Variants in EPHX1 observed in about 807,000 individuals in gnomAD.
The protein encoded by EPHX1 is epoxide hydratase.
EPHX1 carries 40 observed loss-of-function variants against 43.2 expected under a neutral mutation model. The ratio of observed to expected loss-of-function variants is 0.93; its 90% CI spans 0.72 to 1.21. The LOEUF (loss-of-function observed/expected upper bound fraction) is 1.21. EPHX1 is among the 50% of genes most tolerant of loss of function. The pLI, the probability that EPHX1 is intolerant of heterozygous loss-of-function variation, is 0.00. For synonymous variants in EPHX1, 221 were observed against 226.7 expected, an observed-to-expected ratio of 0.98 and a Z score of 0.22; for missense variants, 550 against 570.4, an observed-to-expected ratio of 0.96 and a Z score of 0.36.
chr1:225,836,256 T>C (rs944377942), intron 3 of EPHX1, among the ~76,000 whole-genome samples: 6 of 152,188 alleles, frequency 3.9e-5, no homozygotes, highest in African/African-American at 1.4e-4. Context: ...ATCTGGCTCA[T>C]ATTTTGTTGT....
chr1:225,827,665 T>A (rs1667315619), intron 1 of EPHX1, among the ~76,000 whole-genome samples: 1 of 152,182 alleles, frequency 6.6e-6, no homozygotes, highest in Non-Finnish European at 1.5e-5. Context: ...GAGCGACAGC[T>A]GAAGGGTATG....
At chr1:225,833,760 A>G (rs1370000693) in intron 3 of EPHX1, among the ~76,000 whole-genome samples, 1 of 142,434 alleles carries the variant, frequency 7.0e-6, no homozygotes, top group Non-Finnish European at 1.5e-5. Flanking sequence ...ACACCACTGC[A>G]CTCCAGCCTG....
intron 1 of EPHX1, among the ~76,000 whole-genome samples, chr1:225,813,642 G>A (rs1306214540): frequency 1.3e-5 from 2 of 152,252 alleles, no homozygotes; most frequent in Non-Finnish European, 2.9e-5. Context: ...CCCAGGGGAA[G>A]TCATAGTTCA....
At chr1:225,826,090 G>A (rs1667219687) in intron 1 of EPHX1, among the ~76,000 whole-genome samples, 1 of 152,158 alleles carries the variant, frequency 6.6e-6, no homozygotes, top group Admixed American at 6.5e-5. Flanking sequence ...TATTGTGGGA[G>A]TGTGGTCCCA....
Position 225,839,366 on chromosome 1 carries a change from G to GGTGTGTGTGTGTGTGTGTGTGT in EPHX1, c.722+35_722+56dup. The GGTGTGTGTGTGTGTGTGTGTGT allele has an allele frequency of 6.4e-7, 1 of 1,559,614 alleles. No homozygotes were observed. Among genetic ancestry groups the GGTGTGTGTGTGTGTGTGTGTGT allele is most frequent in the Non-Finnish European group, 8.7e-7 (1 of 1,153,446 alleles). Reference sequence around the variant, plus strand: ...GCCCAGGTGAGGTCACTGTTGGGGTGGTGTGTGTGTGTGTGTGTGTGTGTG... The same window carrying GGTGTGTGTGTGTGTGTGTGTGT: ...GCCCAGGTGAGGTCACTGTTGGGGTGGTGTGTGTGTGTGTGTGTGTGTGTGTGTGTGTGTGTGTGTGTGTGTG... On this transcript the variant is annotated intron_variant, in intron 5 of 8. Coordinates refer to ENST00000272167, the MANE Select transcript of EPHX1 (RefSeq NM_001136018.4).
intron 1 of EPHX1, among the ~76,000 whole-genome samples, chr1:225,823,858 C>T (rs1005153626): frequency 6.6e-6 from 1 of 152,226 alleles, no homozygotes; most frequent in African/African-American, 2.4e-5. Flanking sequence ...CACGGCTCCA[C>T]ACCCCCATGC....
At chr1:225,821,526 G>GATTTACCTTT in intron 1 of EPHX1, among the ~76,000 whole-genome samples, 1 of 147,788 alleles carries the variant, frequency 6.8e-6, no homozygotes, top group East Asian at 2.0e-4. Flanking sequence ...GATTACAGGT[G>GATTTACCTTT]TGAGCCACCA....
At chr1:225,835,367 C>T (rs1028904418) in intron 3 of EPHX1, among the ~76,000 whole-genome samples, 14 of 150,108 alleles carry the variant, frequency 9.3e-5, no homozygotes, top group African/African-American at 2.7e-4. Flanking sequence ...CACAGGTATG[C>T]ACCACCACAC....
At chr1:225,830,592 G>A (rs549972756) in intron 2 of EPHX1, among the ~76,000 whole-genome samples, 4 of 152,194 alleles carry the variant, frequency 2.6e-5, no homozygotes, top group Non-Finnish European at 5.9e-5. Flanking sequence ...AGCCTCCCAA[G>A]TAGCTGGCAT....
chr1:225,818,926 TA>T (rs546153231), intron 1 of EPHX1, among the ~76,000 whole-genome samples: 199 of 95,572 alleles, frequency 2.1e-3, no homozygotes, highest in African/African-American at 4.0e-3. Flanking sequence ...CTGTCTCCAT[TA>T]AAAAAAAAAA....
At chr1:225,831,567 GAAAAA>G in intron 2 of EPHX1, among the ~76,000 whole-genome samples, 1 of 149,480 alleles carries the variant, frequency 6.7e-6, no homozygotes, top group African/African-American at 2.5e-5. Flanking sequence ...AAAGAAAAAA[GAAAAA>G]AGAAATGCGA....
At position 225,831,405 on chromosome 1, in the gene EPHX1, C is replaced by T. The variant is rs540058355; in HGVS notation, c.184-374C>T. On this transcript the variant is annotated intron_variant, in intron 2 of 8. Transcript: ENST00000272167. ...CTCTACTAAAAATGCAAAAATTAGC[C>T]GGACATGGTGGCTCACACCTGTAAT... Among the ~76,000 whole-genome samples, 164 of 152,112 alleles carry T rather than the reference C, an allele frequency of 1.1e-3. 1 individual carries two copies. The highest frequency in any genetic ancestry group is 1.7e-3 in the Non-Finnish European group (117 of 67,978).
intron 3 of EPHX1, 64 bp downstream of exon 3, chr1:225,832,023 G>GT: frequency 6.5e-7 from 1 of 1,531,504 alleles, no homozygotes; most frequent in Non-Finnish European, 9.0e-7. Flanking sequence ...CTTCCACAAT[G>GT]TGACTTACAG....
chr1:225,838,818 G>T lies in EPHX1; in HGVS notation c.529G>T (p.Val177Phe), dbSNP rs757356785. 7 of 1,614,220 alleles carry T rather than the reference G, an allele frequency of 4.3e-6. No homozygotes were observed. The highest frequency in any genetic ancestry group is 5.9e-6 in the Non-Finnish European group (7 of 1,180,036). The change falls in exon 4 of 9, where the codon GTT (valine) becomes TTT (phenylalanine). Residue 177 changes from valine to phenylalanine, a missense_variant. Val to Phe is a conservative substitution (Grantham distance 50, BLOSUM62 -1). Transcript: ENST00000272167. ...GAACCATGGCCTGAGCGATGAGCAC[G>T]TTTTTGAAGTCATCTGCCCTTCCAT... ...PKNHGLSDEH[V>F]FEVICPSIPG...
intron 1 of EPHX1, among the ~76,000 whole-genome samples, chr1:225,813,424 T>C (rs1435013286): frequency 6.6e-6 from 1 of 151,956 alleles, no homozygotes; most frequent in East Asian, 1.9e-4. Flanking sequence ...CCCCAGCAGT[T>C]CCCCCGTTAG....
chr1:225,819,426 A>T (rs1181344481), intron 1 of EPHX1, among the ~76,000 whole-genome samples: 1 of 151,820 alleles, frequency 6.6e-6, no homozygotes. Flanking sequence ...TTTTAAAAAG[A>T]TTGCTGTGGC....
At position 225,831,975 on chromosome 1, in the gene EPHX1, G is replaced by A. The variant is rs376089070; in HGVS notation, c.364+16G>A. The A allele has an allele frequency of 1.4e-5, 22 of 1,612,870 alleles. No homozygotes were observed. Among genetic ancestry groups the A allele is most frequent in the African/African-American group, 6.7e-5 (5 of 74,902 alleles). ...AAGATTGAAGGTATGTTTGCAAAAC[G>A]CCAGCCAGAGAGGGATGTATGTCAT... On this transcript the variant is annotated intron_variant, in intron 3 of 8. Coordinates refer to ENST00000272167, the MANE Select transcript of EPHX1 (RefSeq NM_001136018.4).
At chr1:225,835,514 C>T (rs1475360244) in intron 3 of EPHX1, among the ~76,000 whole-genome samples, 3 of 151,640 alleles carry the variant, frequency 2.0e-5, no homozygotes, top group Non-Finnish European at 4.4e-5. Flanking sequence ...CTCAGCCTCC[C>T]GAGTAGCTGG....
chr1:225,828,788 C>A lies in EPHX1; in HGVS notation c.59C>A (p.Ser20Tyr), dbSNP rs769151729. The A allele has an allele frequency of 3.7e-6, 6 of 1,613,860 alleles. No homozygotes were observed. The South Asian group carries it at 6.6e-5, about 18-fold the overall frequency. The change falls in exon 2 of 9, where the codon TCC becomes TAC. Residue 20 changes from serine (S) to tyrosine (Y), a missense_variant. Transcript: ENST00000272167. ...VLGFAIYWFI[S>Y]RDKEETLPLE... ...GGCTTTGCCATCTACTGGTTCATCT[C>A]CCGGGACAAAGAGGAAACTTTGCCA...
Sources: gnomAD v4.1 joint callset for allele counts (sites outside exome capture counted in the v4.1 genomes callset) on GRCh38, gnomAD v4.1.1 for gene constraint, MANE v1.5 for transcripts, NCBI Gene and HGNC (gene_info 2026-07-23, HGNC 2026-07-21) for gene names.